PLEKHG1: variants seen among roughly 807,000 people sequenced by gnomAD.
PLEKHG1 encodes pleckstrin homology and RhoGEF domain containing G1.
PLEKHG1 carries 44 observed loss-of-function variants against 100.8 expected under a neutral mutation model. That is an observed-to-expected ratio of 0.44 (90% confidence interval 0.34 to 0.56). The LOEUF (loss-of-function observed/expected upper bound fraction) is 0.56. Among genes scored for constraint, PLEKHG1 ranks in the 20% least tolerant of loss-of-function variants. The probability of loss-of-function intolerance (pLI) is 0.01; values close to 1 mark genes in which losing one functional copy is unlikely to be tolerated. For missense variants in PLEKHG1, 1,545 were observed against 1,720.9 expected (o/e 0.90, Z 1.81); for synonymous variants, 640 against 662.5 (o/e 0.97, Z 0.52).
At chr6:150,613,736 C>T (rs1480737109) in intron 1 of PLEKHG1, among the ~76,000 whole-genome samples, 1 of 152,144 alleles carries the variant, frequency 6.6e-6, no homozygotes, top group African/African-American at 2.4e-5. Context: ...TCATCGCTCT[C>T]CCCGAATCTT....
At chr6:150,730,420 C>T (rs576853327) in intron 1 of PLEKHG1, among the ~76,000 whole-genome samples, 5 of 152,166 alleles carry the variant, frequency 3.3e-5, no homozygotes, top group East Asian at 1.9e-4. Context: ...TCATAAGGAT[C>T]GTGCAACCTA....
intron 2 of PLEKHG1, 64 bp from the exon 4 acceptor site, chr6:150,768,574 C>A (rs893426183): frequency 4.8e-6 from 4 of 834,360 alleles, no homozygotes; most frequent in African/African-American, 3.4e-5. Flanking sequence ...ATGCACTGGG[C>A]ATAATTAAAG....
intron 4 of PLEKHG1, 102 bp from the exon 6 acceptor site, chr6:150,795,754 T>A: frequency 1.6e-6 from 1 of 620,918 alleles, no homozygotes; most frequent in Non-Finnish European, 2.8e-6. Context: ...TATATATATA[T>A]ATAAATGTCA....
chr6:150,688,452 C>T (rs965266837), intron 3 of PLEKHG1, among the ~76,000 whole-genome samples: 1 of 152,100 alleles, frequency 6.6e-6, no homozygotes, highest in Non-Finnish European at 1.5e-5. Flanking sequence ...TCCTGAGTAG[C>T]TGAGATTACA....
Position 150,722,342 on chromosome 6 carries a change from T to C in PLEKHG1, c.-99+1142T>C, listed in dbSNP as rs972719742. On this transcript the variant is annotated intron_variant, in intron 1 of 15. Transcript: ENST00000358517. ...CTCTGCCTCCTTTTCTTTTTTCTTT[T>C]TCTTTTCTTTTTTTTTTTTTTTTTT... is the stretch of plus-strand genomic sequence containing the variant. Among the ~76,000 whole-genome samples the C allele has an allele frequency of 2.1e-5, 3 of 140,998 alleles. No homozygotes were observed. The East Asian group carries it at 6.2e-4, about 29-fold the overall frequency. 92.5% of individuals were successfully genotyped at this position (140,998 alleles called of 152,430 possible). A position where few individuals can be genotyped will look rare whatever the true frequency, so the allele number is the denominator to read the frequency against.
intron 2 of PLEKHG1, among the ~76,000 whole-genome samples, chr6:150,752,369 T>C (rs920367583): frequency 3.3e-5 from 5 of 152,306 alleles, no homozygotes; most frequent in African/African-American, 1.2e-4. Context: ...GTTGCCCAAC[T>C]ATGGCCACTG....
chr6:150,635,643 G>GGC (rs1157709570), intron 1 of PLEKHG1, among the ~76,000 whole-genome samples: 1 of 152,114 alleles, frequency 6.6e-6, no homozygotes, highest in Non-Finnish European at 1.5e-5. Context: ...CTGTGTATGT[G>GGC]GCATTTTTTG....
intron 2 of PLEKHG1, among the ~76,000 whole-genome samples, chr6:150,745,511 C>T (rs867771796): frequency 6.6e-6 from 1 of 152,090 alleles, no homozygotes; most frequent in South Asian, 2.1e-4. Context: ...GGTGAAACCC[C>T]GGCTCTACTA....
chr6:150,757,814 C>A (rs1413035873), intron 2 of PLEKHG1, among the ~76,000 whole-genome samples: 1 of 152,166 alleles, frequency 6.6e-6, no homozygotes, highest in African/African-American at 2.4e-5. Context: ...AGGTATTAAG[C>A]CCAATATTCA....
intron 2 of PLEKHG1, among the ~76,000 whole-genome samples, chr6:150,760,255 G>A (rs1181221488): frequency 6.6e-6 from 1 of 152,124 alleles, no homozygotes; most frequent in Non-Finnish European, 1.5e-5. Flanking sequence ...CACCTCACCA[G>A]CCATTCCCAT....
chr6:150,818,154 G>T, intron 10 of PLEKHG1, 29 bp from the exon 12 acceptor site: 1 of 1,585,678 alleles, frequency 6.3e-7, no homozygotes, highest in Non-Finnish European at 8.6e-7. Context: ...AAAGCAATTG[G>T]AATTACAGCT....
At chr6:150,642,709 C>T (rs1778323187) in intron 2 of PLEKHG1, among the ~76,000 whole-genome samples, 1 of 152,162 alleles carries the variant, frequency 6.6e-6, no homozygotes, top group African/African-American at 2.4e-5. Flanking sequence ...GCTGTTGGTG[C>T]TCAAATGTTG....
chr6:150,782,330 G>T (rs1785359192), intron 3 of PLEKHG1, among the ~76,000 whole-genome samples: 5 of 152,020 alleles, frequency 3.3e-5, no homozygotes. Flanking sequence ...GGAGGCAGAG[G>T]TTACAGTGAG....
intron 2 of PLEKHG1, among the ~76,000 whole-genome samples, chr6:150,747,748 T>C (rs542174140): frequency 5.3e-5 from 8 of 151,978 alleles, no homozygotes; most frequent in African/African-American, 1.4e-4. Flanking sequence ...TACAAAAAAT[T>C]AGCCAGGCGT....
chr6:150,633,161 T>C (rs2128562637), intron 1 of PLEKHG1: 1 of 152,366 alleles, frequency 6.6e-6, no homozygotes, highest in Non-Finnish European at 1.5e-5. Context: ...GTTTCAAAGA[T>C]GAGACCCAAT....
chr6:150,710,815 T>A (rs936610442), intron 3 of PLEKHG1, among the ~76,000 whole-genome samples: 15 of 152,136 alleles, frequency 9.9e-5, no homozygotes, highest in African/African-American at 3.6e-4. Context: ...CTGGTTGACC[T>A]CTTCTCAACC....
intron 3 of PLEKHG1, chr6:150,651,930 TAAAG>T (rs2128574658): frequency 6.6e-6 from 1 of 152,274 alleles, no homozygotes; most frequent in Non-Finnish European, 1.5e-5. Flanking sequence ...GGATAAAAAT[TAAAG>T]AAAATGCGTA....
intron 4 of PLEKHG1, among the ~76,000 whole-genome samples, chr6:150,792,610 G>A (rs984529646): frequency 6.6e-6 from 1 of 151,792 alleles, no homozygotes; most frequent in East Asian, 1.9e-4. Context: ...AGAGGCAAAG[G>A]CTGCAGTGAA....
intron 15 of PLEKHG1, 83 bp downstream of exon 16, chr6:150,832,288 C>T: frequency 2.6e-6 from 3 of 1,136,612 alleles, no homozygotes; most frequent in Non-Finnish European, 3.7e-6. Flanking sequence ...AAAACGGACA[C>T]ACCTGTGAGA....
Sources: gnomAD v4.1 joint callset for allele counts (sites outside exome capture counted in the v4.1 genomes callset) on GRCh38, gnomAD v4.1.1 for gene constraint, MANE v1.5 for transcripts, NCBI Gene and HGNC (gene_info 2026-07-23, HGNC 2026-07-21) for gene names.